Variants in PEX16 observed in about 807,000 individuals in gnomAD.
PEX16 encodes the protein peroxisomal biogenesis factor 16.
Under a neutral mutation model 50.5 loss-of-function variants are expected in PEX16, and 37 were observed. That is an observed-to-expected ratio of 0.73 (90% CI 0.56 to 0.96). The LOEUF (loss-of-function observed/expected upper bound fraction) is 0.96. Ranked by LOEUF, PEX16 falls within the 40% of genes least tolerant of loss-of-function variation. The probability of loss-of-function intolerance (pLI) is 0.00; values close to 1 mark genes in which losing one functional copy is unlikely to be tolerated. For missense variants in PEX16, 401 were observed against 438.3 expected (o/e 0.91, Z 0.76); for synonymous variants, 185 against 190.3 (o/e 0.97, Z 0.23).
At chr11:45,914,952 C>T (rs1475808376) in intron 5 of PEX16, among the ~76,000 whole-genome samples, 1 of 152,216 alleles carries the variant, frequency 6.6e-6, no homozygotes, top group African/African-American at 2.4e-5. Flanking sequence ...CATGGACAGG[C>T]AAGGCAGGGA....
intron 2 of PEX16, chr11:45,916,885 G>C (rs572521307): frequency 4.1e-5 from 16 of 392,168 alleles, no homozygotes; most frequent in Admixed American, 4.0e-4. Flanking sequence ...GGCCAGGCTG[G>C]TCTCGAACTC....
chr11:45,913,924 C>T lies in PEX16; in HGVS notation c.782G>A (p.Ser261Asn). 6.2e-7 allele frequency: 1 copy of T among 1,612,918 alleles called. No individual in the cohort carries two copies. The highest frequency in any genetic ancestry group is 8.5e-7 in the Non-Finnish European group (1 of 1,179,986). The change falls in exon 9 of 11, where the codon AGT becomes AAT. Residue 261 changes from serine (S) to asparagine (N), a missense_variant. Transcript: ENST00000378750. ...VVDVTSLSLL[S>N]DRKGLTRRER... ...CCTCCGGGTCAGGCCCTTTCTGTCA[C>T]TCAGGAGGCTCAGGCTGGGAGGCAG...
intron 3 of PEX16, 72 bp downstream of exon 3, chr11:45,916,155 G>A (rs1004547081): frequency 3.5e-5 from 38 of 1,099,050 alleles, no homozygotes; most frequent in African/African-American, 2.6e-4. Context: ...TGTGCTGCAC[G>A]CATGGGCTAG....
At position 45,910,063 on chromosome 11, in the gene PEX16, A is replaced by C; in HGVS notation, c.*191T>G. Reference sequence around the variant, plus strand: ...CCAGCAGTGACAAGGTGCGGGCTGCAGTGGCATCGTCACAGGAGAGCGCAG... The same window carrying C: ...CCAGCAGTGACAAGGTGCGGGCTGCCGTGGCATCGTCACAGGAGAGCGCAG... On this transcript the variant is annotated 3_prime_UTR_variant, in exon 11 of 11. Coordinates refer to ENST00000378750, the MANE Select transcript of PEX16 (RefSeq NM_004813.4). 1 of 1,587,916 alleles carries C rather than the reference A, an allele frequency of 6.3e-7. No individual in the cohort carries two copies. The highest frequency in any genetic ancestry group is 8.6e-7 in the Non-Finnish European group (1 of 1,159,260).
intron 2 of PEX16, 129 bp downstream of exon 2, chr11:45,917,329 A>C: frequency 1.2e-6 from 1 of 806,656 alleles, no homozygotes; most frequent in Middle Eastern, 3.2e-4. Flanking sequence ...CCTTGTGCCG[A>C]TTCAGTCATA....
In PEX16 at chr11:45,917,415, A is replaced by G. The variant is rs28473321; in HGVS notation, c.148+43T>C. The G allele has an allele frequency of 1.4e-4, 220 of 1,600,152 alleles. 3 individuals are homozygous for G. The East Asian group carries it at 1.5e-3, about 11-fold the overall frequency. ...CTCTCTGGGGAACTCACCAGGGGCCAGGCAGCCGATCCCCCATCCCCCACC... is the reference window on the plus strand; with the variant it reads ...CTCTCTGGGGAACTCACCAGGGGCCGGGCAGCCGATCCCCCATCCCCCACC... On this transcript the variant is annotated intron_variant, in intron 2 of 10. Coordinates refer to ENST00000378750, the MANE Select transcript of PEX16 (RefSeq NM_004813.4).
At position 45,910,928 on chromosome 11, in the gene PEX16, C is replaced by T. The variant is rs749785179; in HGVS notation, c.922G>A (p.Asp308Asn). The T allele has an allele frequency of 5.6e-6, 9 of 1,613,426 alleles. No individual in the cohort carries two copies. The highest frequency in any genetic ancestry group is 3.3e-5 in the Admixed American group (2 of 60,010). ...RILFLLQLLA[D>N]HVPGVGLVTR... The stretch of plus-strand genomic sequence containing the variant: ...ACCAGGCCAACGCCAGGGACGTGGT[C>T]GGCCAGCAACTGGAGCAGGAAGAGG... The change falls in exon 10 of 11, where the codon GAC becomes AAC. Residue 308 changes from aspartate to asparagine, a missense_variant. Transcript: ENST00000378750.
At chr11:45,916,024 A>G (rs760000053) in intron 3 of PEX16, among the ~76,000 whole-genome samples, 188 bp from the exon 4 acceptor site, 5 of 151,822 alleles carry the variant, frequency 3.3e-5, no homozygotes, top group African/African-American at 7.3e-5. Context: ...AGCTGACTCT[A>G]CCTCTCTTCA....
intron 6 of PEX16, 26 bp downstream of exon 6, chr11:45,914,578 C>T: frequency 6.2e-7 from 1 of 1,613,698 alleles, no homozygotes; most frequent in African/African-American, 1.3e-5. Flanking sequence ...ACCTAGGTGC[C>T]CAGGCCAGCC....
Position 45,917,864 on chromosome 11 carries a change from G to A in PEX16, c.-53C>T. On this transcript the variant is annotated 5_prime_UTR_variant, in exon 1 of 11. Coordinates refer to ENST00000378750, the MANE Select transcript of PEX16 (RefSeq NM_004813.4). ...GAAGGACCGTACGACAGGCTGCGGC[G>A]CCCTGCTTCCTGCGCCCTCCTTCCT... The A allele has an allele frequency of 1.5e-6, 2 of 1,313,850 alleles. No homozygotes were observed. The highest frequency in any genetic ancestry group is 2.1e-6 in the Non-Finnish European group (2 of 945,020). The allele number at this position is 1,313,850 out of a possible 1,614,324, so 81.4% of individuals were successfully genotyped here.
In PEX16 at chr11:45,917,499, G is replaced by A. The variant is rs1364854282; in HGVS notation, c.113-6C>T. 1.9e-6 allele frequency: 3 copies of A among 1,614,090 alleles called. No homozygotes were observed. The highest frequency in any genetic ancestry group is 3.3e-5 in the Admixed American group (2 of 60,024). Reference sequence around the variant, plus strand: ...GTGCGAATCGGCGAATCGACCTGGGGAGAGGGTACAGAAGGAGGTGTGAGT... The same window carrying A: ...GTGCGAATCGGCGAATCGACCTGGGAAGAGGGTACAGAAGGAGGTGTGAGT... On this transcript the variant is annotated splice_region_variant and splice_polypyrimidine_tract_variant and intron_variant, in intron 1 of 10. Transcript: ENST00000378750.
In PEX16 at chr11:45,914,448, G is replaced by A. The variant is rs1315917093; in HGVS notation, c.562C>T (p.His188Tyr). The change falls in exon 7 of 11, where the codon CAC becomes TAC. Residue 188 changes from histidine to tyrosine, a missense_variant. Physicochemically the swap from His to Tyr is moderately conservative, Grantham distance 83. Coordinates refer to ENST00000378750, the MANE Select transcript of PEX16 (RefSeq NM_004813.4). ...LQNTPSLHSRHWGAPQQREGR... is the reference protein window; with the variant it reads ...LQNTPSLHSRYWGAPQQREGR... ...TCCCGCTGCTGGGGAGCTCCCCAGTGCCTGGAGTGCAGGGACGGCGCTAGA... is the reference window on the plus strand; with the variant it reads ...TCCCGCTGCTGGGGAGCTCCCCAGTACCTGGAGTGCAGGGACGGCGCTAGA... The A allele has an allele frequency of 1.2e-6, 2 of 1,608,368 alleles. No homozygotes were observed. The highest frequency in any genetic ancestry group is 2.2e-5 in the East Asian group (1 of 44,872).
In PEX16 at chr11:45,915,532, C is replaced by G; in HGVS notation, c.396G>C (p.Lys132Asn). ...VLRMLLLLWF[K>N]AGLQTSPPIV... Reference sequence around the variant, plus strand: ...TAGGGGGTGAAGTCTGGAGGCCAGCCTTGAACCAGAGCAGCAGGAGCATCC... The same window carrying G: ...TAGGGGGTGAAGTCTGGAGGCCAGCGTTGAACCAGAGCAGCAGGAGCATCC... The change falls in exon 5 of 11, where the codon AAG becomes AAC. Residue 132 changes from lysine to asparagine, a missense_variant. Lys to Asn is a moderately conservative substitution (Grantham distance 94, BLOSUM62 0). Coordinates refer to ENST00000378750, the MANE Select transcript of PEX16 (RefSeq NM_004813.4). 2 of 1,614,158 alleles carry G rather than the reference C, an allele frequency of 1.2e-6. No homozygotes were observed. Among genetic ancestry groups the G allele is most frequent in the Non-Finnish European group, 1.7e-6 (2 of 1,180,046 alleles).
intron 9 of PEX16, among the ~76,000 whole-genome samples, chr11:45,911,715 GAGC>G: frequency 6.6e-6 from 1 of 152,270 alleles, no homozygotes; most frequent in East Asian, 1.9e-4. Flanking sequence ...ATGTCTGTCT[GAGC>G]AGCAAGAAAA....
rs947495067 is a variant in PEX16 at position 45,909,864 on chromosome 11, G to A, written c.*390C>T. On this transcript the variant is annotated 3_prime_UTR_variant, in exon 11 of 11. Transcript: ENST00000378750. ...CCAGCCAGAAGACACGCTGGGCAGCGTTCAGCCATCACCCGGGTTCAGGCT... is the reference window on the plus strand; with the variant it reads ...CCAGCCAGAAGACACGCTGGGCAGCATTCAGCCATCACCCGGGTTCAGGCT... 2.2e-5 allele frequency: 13 copies of A among 586,310 alleles called. No homozygotes were observed. The highest frequency in any genetic ancestry group is 4.5e-4 in the Middle Eastern group (1 of 2,200). The allele number at this position is 586,310 out of a possible 1,614,324, so 36.3% of individuals were successfully genotyped here. A position where few individuals can be genotyped will look rare whatever the true frequency, so the allele number is the denominator to read the frequency against.
rs1309864219 is a variant in PEX16, at chr11:45,910,132, G to A, written c.*122C>T. 9 of 1,611,730 alleles carry A rather than the reference G, an allele frequency of 5.6e-6. No homozygotes were observed. Among genetic ancestry groups the A allele is most frequent in the Non-Finnish European group, 7.6e-6 (9 of 1,179,940 alleles). On this transcript the variant is annotated 3_prime_UTR_variant, in exon 11 of 11. Transcript: ENST00000378750. ...GAACGCTGGTGGCGACCAGGGCTGTGTGTGGGGCCTGGCCGGTAGGCACGG... is the reference window on the plus strand; with the variant it reads ...GAACGCTGGTGGCGACCAGGGCTGTATGTGGGGCCTGGCCGGTAGGCACGG...
At chr11:45,911,743 G>A (rs762945350) in intron 9 of PEX16, among the ~76,000 whole-genome samples, 5 of 152,222 alleles carry the variant, frequency 3.3e-5, no homozygotes, top group Non-Finnish European at 7.3e-5. Flanking sequence ...AAGCCTGGGG[G>A]CCGGGTGTGG....
chr11:45,917,756 G>C lies in PEX16; in HGVS notation c.56C>G (p.Pro19Arg). The change falls in exon 1 of 11, where the codon CCG becomes CGG. Residue 19 changes from proline (P) to arginine (R), a missense_variant. Physicochemically the swap from Pro to Arg is moderately radical, Grantham distance 103 (BLOSUM62 -2). Transcript: ENST00000378750. ...TGTCTCCAGCTGGGCCGTGGCGGCC[G>C]GGTGACGAGTCACGTACTCCTGGTA... ...LRYQEYVTRH[P>R]AATAQLETAV... 1 of 1,556,290 alleles carries C rather than the reference G, an allele frequency of 6.4e-7. No individual in the cohort carries two copies. Among genetic ancestry groups the C allele is most frequent in the Non-Finnish European group, 8.7e-7 (1 of 1,151,124 alleles).
chr11:45,917,414 C>T, intron 2 of PEX16, 44 bp downstream of exon 2: 1 of 1,599,620 alleles, frequency 6.3e-7, no homozygotes, highest in Non-Finnish European at 8.6e-7. Flanking sequence ...CACCAGGGGC[C>T]AGGCAGCCGA....
Sources: allele counts gnomAD v4.1 joint callset (sites outside exome capture counted in the v4.1 genomes callset), GRCh38; gene constraint gnomAD v4.1.1; transcripts MANE v1.5; gene names NCBI Gene and HGNC (gene_info 2026-07-23, HGNC 2026-07-21).